C4orf51: variants seen among roughly 807,000 people sequenced by gnomAD.
C4orf51 encodes chromosome 4 open reading frame 51.
Under a neutral mutation model 25.2 loss-of-function variants are expected in C4orf51, and 25 were observed. That is an observed-to-expected ratio of 0.99 (90% CI 0.72 to 1.39). C4orf51 has a LOEUF of 1.39. Among genes scored for constraint, C4orf51 ranks in the 40% most tolerant of loss-of-function variants. The pLI is 0.00. For missense variants in C4orf51, 252 were observed against 239.6 expected, an observed-to-expected ratio of 1.05 and a Z score of -0.34; for synonymous variants, 100 against 84.5, an observed-to-expected ratio of 1.18 and a Z score of -1.01.
intron 1 of C4orf51, among the ~76,000 whole-genome samples, chr4:145,680,646 A>G (rs970583165): frequency 1.3e-5 from 2 of 152,214 alleles, no homozygotes; most frequent in Admixed American, 6.5e-5. Flanking sequence ...CTAAAATTAC[A>G]TATAACTACC....
chr4:145,708,005 T>C (rs951167853), intron 2 of C4orf51, among the ~76,000 whole-genome samples: 61 of 152,238 alleles, frequency 4.0e-4, no homozygotes, highest in African/African-American at 1.4e-3. Flanking sequence ...GCCGACTTTC[T>C]GGCAGAAGGG....
chr4:145,733,399 A>G (rs1355924378), downstream of C4orf51, among the ~76,000 whole-genome samples: 4 of 152,100 alleles, frequency 2.6e-5, no homozygotes, highest in African/African-American at 7.2e-5. Flanking sequence ...GGGGCTGCAC[A>G]TGACCTGGGG....
At chr4:145,789,728 A>T in the C4orf51 span, among the ~76,000 whole-genome samples, 2 of 152,194 alleles carry the variant, frequency 1.3e-5, no homozygotes, top group African/African-American at 4.8e-5. Context: ...TAATGGTTCT[A>T]ATTTATTTCA....
chr4:145,765,475 A>C lies in C4orf51; in HGVS notation n.167-5513A>C. The C allele has an allele frequency of 6.6e-7, 1 of 1,517,460 alleles. No homozygotes were observed. Among genetic ancestry groups the C allele is most frequent in the Non-Finnish European group, 8.9e-7 (1 of 1,127,580 alleles). The allele number at this position is 1,517,460 out of a possible 1,614,324, so 94.0% of individuals were successfully genotyped here. The stretch of plus-strand genomic sequence containing the variant: ...TCAGTTTTTGACATCGCTCCTGTGC[A>C]GGGCTTATTCTCAAGAATGGGTCAT... On this transcript the variant is annotated intron_variant and non_coding_transcript_variant, in intron 1 of 1. Coordinates refer to the C4orf51 transcript ENST00000510096. The surrounding 1 kb of genome is among the most constrained non-coding windows in gnomAD (Gnocchi z 4.7).
At chr4:145,781,406 A>C in the C4orf51 span, among the ~76,000 whole-genome samples, 4 of 152,180 alleles carry the variant, frequency 2.6e-5, no homozygotes, top group African/African-American at 9.6e-5. Flanking sequence ...AGAAGAAACA[A>C]ATATGAATAT....
At chr4:145,739,950 G>A (rs1166114092) in intron 1 of C4orf51, among the ~76,000 whole-genome samples, 1 of 152,084 alleles carries the variant, frequency 6.6e-6, no homozygotes, top group East Asian at 1.9e-4. Context: ...AGGGAGATCT[G>A]GGAAAGGCTC....
chr4:145,785,969 T>C, the C4orf51 span, among the ~76,000 whole-genome samples: 1 of 152,192 alleles, frequency 6.6e-6, no homozygotes, highest in Non-Finnish European at 1.5e-5. Flanking sequence ...TTAGAAAGTG[T>C]AATATGTCAA....
downstream of C4orf51, among the ~76,000 whole-genome samples, chr4:145,773,252 T>C (rs751975383): frequency 2.1e-4 from 32 of 152,208 alleles, no homozygotes; most frequent in Admixed American, 5.9e-4. Flanking sequence ...CTAATGTGGT[T>C]ACAGTCAGAC....
chr4:145,744,586 C>G (rs953075283), intron 1 of C4orf51, among the ~76,000 whole-genome samples: 27 of 151,956 alleles, frequency 1.8e-4, no homozygotes, highest in Non-Finnish European at 3.4e-4. Flanking sequence ...CTTTGGGAGG[C>G]CAAGGCGGGT....
chr4:145,690,791 C>G (rs1368577020), intron 1 of C4orf51, among the ~76,000 whole-genome samples: 1 of 152,036 alleles, frequency 6.6e-6, no homozygotes, highest in East Asian at 1.9e-4. Context: ...AAGCAAAAAC[C>G]AACAAACCCA....
Position 145,765,243 on chromosome 4 carries a change from C to T in C4orf51, n.167-5745C>T, listed in dbSNP as rs995849189. The stretch of plus-strand genomic sequence containing the variant: ...GGCAGGAGTGGAGCCAAGCTCCTCC[C>T]CACTTCCTCCCGCCTCCTCCGACGC... On this transcript the variant is annotated intron_variant and non_coding_transcript_variant, in intron 1 of 1. Transcript: ENST00000510096. The surrounding 1 kb of genome is among the most constrained non-coding windows in gnomAD (Gnocchi z 4.7). The T allele has an allele frequency of 2.0e-5, 29 of 1,440,370 alleles. No homozygotes were observed. Among genetic ancestry groups the T allele is most frequent in the African/African-American group, 2.8e-5 (2 of 70,256 alleles). 89.2% of individuals were successfully genotyped at this position (1,440,370 alleles called of 1,614,324 possible).
downstream of C4orf51, among the ~76,000 whole-genome samples, chr4:145,733,713 T>C (rs1732640239): frequency 6.6e-6 from 1 of 152,174 alleles, no homozygotes; most frequent in South Asian, 2.1e-4. Flanking sequence ...GTTAAATACA[T>C]TCCCCGGGAG....
At position 145,761,454 on chromosome 4, in the gene C4orf51, G is replaced by A. The variant is rs1450033049; in HGVS notation, n.167-9534G>A. 5 of 1,289,734 alleles carry A rather than the reference G, an allele frequency of 3.9e-6. No individual in the cohort carries two copies. Among genetic ancestry groups the A allele is most frequent in the African/African-American group, 3.0e-5 (2 of 65,864 alleles). 79.9% of individuals were successfully genotyped at this position (1,289,734 alleles called of 1,614,324 possible). The stretch of plus-strand genomic sequence containing the variant: ...CGCACTTGTAGTGGTTGCCCAGGCG[G>A]TGCTCCCGGGTGTGCGTCTCCAGCT... On this transcript the variant is annotated intron_variant and non_coding_transcript_variant, in intron 1 of 1. Transcript: ENST00000510096. The surrounding 1 kb of genome is among the most constrained non-coding windows in gnomAD (Gnocchi z 6.8).
chr4:145,787,464 GAAA>G, the C4orf51 span, among the ~76,000 whole-genome samples: 9 of 83,218 alleles, frequency 1.1e-4, no homozygotes, highest in East Asian at 3.5e-4. Flanking sequence ...TCCGTCTCAG[GAAA>G]AAAAAAAAAA....
At chr4:145,693,448 G>A (rs538094107) in intron 1 of C4orf51, among the ~76,000 whole-genome samples, 5 of 152,204 alleles carry the variant, frequency 3.3e-5, no homozygotes, top group East Asian at 1.9e-4. Flanking sequence ...ACACAGACAC[G>A]GCAACCATCC....
At chr4:145,725,229 C>A (rs1467766273) in intron 2 of C4orf51, among the ~76,000 whole-genome samples, 6 of 151,710 alleles carry the variant, frequency 4.0e-5, no homozygotes, top group Non-Finnish European at 2.9e-5. Context: ...TAGAAAAAAA[C>A]CATAATGAGT....
At chr4:145,731,463 C>T (rs1335651294) in intron 5 of C4orf51, among the ~76,000 whole-genome samples, 1 of 151,366 alleles carries the variant, frequency 6.6e-6, no homozygotes, top group African/African-American at 2.4e-5. Context: ...CACACACACA[C>T]ACCACACAAT....
intron 2 of C4orf51, among the ~76,000 whole-genome samples, chr4:145,719,466 G>C (rs1052978885): frequency 6.6e-6 from 1 of 151,680 alleles, no homozygotes; most frequent in Admixed American, 6.6e-5. Context: ...TTAGCCAGGC[G>C]TGGTTGCGGG....
intron 2 of C4orf51, among the ~76,000 whole-genome samples, chr4:145,717,448 T>A (rs2126739920): frequency 6.6e-6 from 1 of 152,392 alleles, no homozygotes; most frequent in African/African-American, 2.4e-5. Context: ...AAAGCAGAAC[T>A]ATTTAATTTA....
Sources: gnomAD v4.1 joint callset for allele counts (sites outside exome capture counted in the v4.1 genomes callset) on GRCh38, gnomAD v4.1.1 for gene constraint, Gnocchi (gnomAD v3.1) non-coding constraint, MANE v1.5 for transcripts, NCBI Gene and HGNC (gene_info 2026-07-23, HGNC 2026-07-21) for gene names.